Variants in EYS observed in about 807,000 individuals in gnomAD.
EYS encodes protein eyes shut homolog.
A neutral mutation model predicts 282.1 loss-of-function variants in EYS; 250 were observed. The observed-to-expected ratio is 0.89, with a 90% CI of 0.80 to 0.98. The LOEUF is 0.98. Among genes scored for constraint, EYS ranks in the 50% least tolerant of loss-of-function variants. The probability of loss-of-function intolerance (pLI) is 0.00; values close to 1 mark genes in which losing one functional copy is unlikely to be tolerated. For missense variants in EYS, 4,016 were observed against 3,709.0 expected (o/e 1.08, Z -2.15); for synonymous variants, 1,355 against 1,282.9 (o/e 1.06, Z -1.20).
At chr6:64,346,300 C>A (rs1240825371) in intron 29 of EYS, among the ~76,000 whole-genome samples, 2 of 152,040 alleles carry the variant, frequency 1.3e-5, no homozygotes, top group Non-Finnish European at 1.5e-5. Context: ...TTGGAACCAA[C>A]CCAAATATCC....
At chr6:63,884,974 G>T (rs1773228059) in intron 35 of EYS, among the ~76,000 whole-genome samples, 1 of 152,000 alleles carries the variant, frequency 6.6e-6, no homozygotes, top group Non-Finnish European at 1.5e-5. Flanking sequence ...ATGGGTAGGT[G>T]GAGTGTTTCC....
intron 13 of EYS, among the ~76,000 whole-genome samples, chr6:65,010,204 A>G (rs1268025086): frequency 1.3e-5 from 2 of 152,214 alleles, no homozygotes; most frequent in African/African-American, 4.8e-5. Flanking sequence ...TACCTGAGTA[A>G]GGAAACTGAT....
intron 8 of EYS, among the ~76,000 whole-genome samples, chr6:65,362,546 G>A (rs1036317611): frequency 2.0e-5 from 3 of 151,358 alleles, no homozygotes; most frequent in African/African-American, 4.9e-5. Context: ...ATGCATATAT[G>A]TATGTATACA....
At chr6:64,079,258 A>C (rs1391418428) in intron 32 of EYS, among the ~76,000 whole-genome samples, 4 of 152,034 alleles carry the variant, frequency 2.6e-5, no homozygotes, top group African/African-American at 9.7e-5. Context: ...CTCTAAAGCT[A>C]TCATTTAAAC....
intron 1 of EYS, among the ~76,000 whole-genome samples, chr6:65,682,762 G>A (rs548352843): frequency 1.3e-4 from 19 of 151,934 alleles, no homozygotes; most frequent in African/African-American, 3.6e-4. Flanking sequence ...GTTTCAAGAG[G>A]TGATGCTAAA....
At chr6:64,255,928 T>A (rs533691848) in intron 30 of EYS, among the ~76,000 whole-genome samples, 5 of 151,968 alleles carry the variant, frequency 3.3e-5, no homozygotes, top group African/African-American at 1.2e-4. Context: ...ATCACATAGT[T>A]AAAAAAAAGT....
chr6:65,086,946 C>T (rs545777639), intron 12 of EYS, among the ~76,000 whole-genome samples: 2 of 152,138 alleles, frequency 1.3e-5, no homozygotes, highest in East Asian at 1.9e-4. Flanking sequence ...CCTCAGCCCC[C>T]TGAGTAGCTG....
chr6:65,681,941 G>T (rs1426606649), intron 1 of EYS, among the ~76,000 whole-genome samples: 2 of 151,824 alleles, frequency 1.3e-5, no homozygotes, highest in Non-Finnish European at 2.9e-5. Context: ...CTCTGACTTT[G>T]GTAAGTGCCA....
chr6:64,649,878 T>C (rs1490865299), intron 22 of EYS, among the ~76,000 whole-genome samples: 3 of 152,062 alleles, frequency 2.0e-5, no homozygotes, highest in African/African-American at 7.2e-5. Flanking sequence ...TCTAGAACCA[T>C]GGCCCAAGGA....
At chr6:64,989,683 TTA>T (rs1489583281) in intron 14 of EYS, among the ~76,000 whole-genome samples, 2 of 145,008 alleles carry the variant, frequency 1.4e-5, no homozygotes, top group Non-Finnish European at 3.0e-5. Context: ...ACATTAAATT[TTA>T]TATCTTACAT....
chr6:64,092,871 G>GT (rs1772423737), intron 31 of EYS, among the ~76,000 whole-genome samples: 1 of 151,592 alleles, frequency 6.6e-6, no homozygotes, highest in African/African-American at 2.4e-5. Flanking sequence ...TTCTTCTAGG[G>GT]TTTTTATGGT....
chr6:65,581,455 T>C (rs1285055110), intron 2 of EYS, among the ~76,000 whole-genome samples: 6 of 152,138 alleles, frequency 3.9e-5, no homozygotes, highest in Non-Finnish European at 8.8e-5. Flanking sequence ...GAATTATTCT[T>C]AGTAGGCCTC....
intron 1 of EYS, among the ~76,000 whole-genome samples, chr6:65,691,746 G>A (rs1166750081): frequency 6.7e-6 from 1 of 150,270 alleles, no homozygotes; most frequent in Non-Finnish European, 1.5e-5. Context: ...TCCATCTTGA[G>A]TTAATTTTTG....
At chr6:63,791,589 A>C (rs1384800223) in intron 37 of EYS, among the ~76,000 whole-genome samples, 1 of 151,814 alleles carries the variant, frequency 6.6e-6, no homozygotes, top group African/African-American at 2.4e-5. Flanking sequence ...AAAAAAAAAA[A>C]AAAAAAAGAA....
intron 15 of EYS, among the ~76,000 whole-genome samples, chr6:64,941,305 A>G (rs910458977): frequency 1.3e-5 from 2 of 151,946 alleles, no homozygotes; most frequent in Admixed American, 6.6e-5. Flanking sequence ...ACTTGAACCC[A>G]GGAGGTGGAG....
At chr6:65,276,419 A>C (rs1768050017) in intron 12 of EYS, among the ~76,000 whole-genome samples, 1 of 152,092 alleles carries the variant, frequency 6.6e-6, no homozygotes, top group South Asian at 2.1e-4. Context: ...AAAAGAAAAA[A>C]AAAAAGATTC....
At chr6:65,036,711 A>T (rs1772782884) in intron 13 of EYS, among the ~76,000 whole-genome samples, 1 of 151,834 alleles carries the variant, frequency 6.6e-6, no homozygotes, top group African/African-American at 2.4e-5. Flanking sequence ...CTATAAAAAA[A>T]AGTTCATCAC....
chr6:65,328,210 T>C (rs1769678402), intron 11 of EYS, among the ~76,000 whole-genome samples: 1 of 151,458 alleles, frequency 6.6e-6, no homozygotes, highest in African/African-American at 2.4e-5. Flanking sequence ...TTCCAGTCAA[T>C]TATTCTGAAT....
intron 2 of EYS, among the ~76,000 whole-genome samples, chr6:65,545,796 A>G (rs1267323029): frequency 6.6e-6 from 1 of 152,116 alleles, no homozygotes; most frequent in Non-Finnish European, 1.5e-5. Flanking sequence ...TACAAAGACC[A>G]ATTATTTCAT....
Sources: allele counts gnomAD v4.1 joint callset (sites outside exome capture counted in the v4.1 genomes callset), GRCh38; gene constraint gnomAD v4.1.1; transcripts MANE v1.5; gene names NCBI Gene and HGNC (gene_info 2026-07-23, HGNC 2026-07-21).